SERPINI2: variants seen among roughly 807,000 people sequenced by gnomAD.
SERPINI2 encodes serpin family I member 2.
Under a neutral mutation model 47.3 loss-of-function variants are expected in SERPINI2, and 48 were observed. The observed-to-expected ratio is 1.02, with a 90% CI of 0.81 to 1.29. SERPINI2 has a LOEUF of 1.29. SERPINI2 is among the 50% of genes most tolerant of loss of function. The probability of loss-of-function intolerance (pLI) is 0.00; values close to 1 mark genes in which losing one functional copy is unlikely to be tolerated. For missense variants in SERPINI2, 448 were observed against 456.9 expected (o/e 0.98, Z 0.18); for synonymous variants, 135 against 149.3 (o/e 0.90, Z 0.70).
intron 3 of SERPINI2, among the ~76,000 whole-genome samples, chr3:167,466,511 A>G (rs1365869304): frequency 1.3e-5 from 2 of 152,222 alleles, no homozygotes; most frequent in East Asian, 3.8e-4. Context: ...ACTTTCTAAG[A>G]TTTCAACTCA....
rs1577164563 is a variant in SERPINI2 at position 167,442,199 on chromosome 3, A to C, written c.1142-14T>G. The C allele has an allele frequency of 1.3e-6, 2 of 1,561,342 alleles. No individual in the cohort carries two copies. Among genetic ancestry groups the C allele is most frequent in the Non-Finnish European group, 1.7e-6 (2 of 1,158,098 alleles). On this transcript the variant is annotated splice_polypyrimidine_tract_variant and intron_variant, in intron 8 of 8. Transcript: ENST00000264677. ...ACAGAATTGATTCTAGGGAAAAAAA[A>C]ACAAAAAAATATACTTTAGGAATTT... is the stretch of plus-strand genomic sequence containing the variant.
chr3:167,476,320 A>G (rs1750478471), upstream of SERPINI2, among the ~76,000 whole-genome samples: 1 of 151,952 alleles, frequency 6.6e-6, no homozygotes, highest in Non-Finnish European at 1.5e-5. Flanking sequence ...AGACACAGAA[A>G]AAAAGACATT....
intron 5 of SERPINI2, among the ~76,000 whole-genome samples, chr3:167,454,751 T>C: frequency 6.6e-6 from 1 of 152,214 alleles, no homozygotes; most frequent in Non-Finnish European, 1.5e-5. Flanking sequence ...ATCTAATGAA[T>C]GTATAATCTA....
intron 5 of SERPINI2, among the ~76,000 whole-genome samples, chr3:167,458,833 C>T (rs577042494): frequency 6.6e-6 from 1 of 152,276 alleles, no homozygotes; most frequent in East Asian, 1.9e-4. Flanking sequence ...GTTTTCTTAT[C>T]TGTGAAATGG....
chr3:167,474,085 C>T (rs1402191651), exon 1 of SERPINI2: 25 of 1,016,886 alleles, frequency 2.5e-5, no homozygotes, highest in Middle Eastern at 4.7e-4. Flanking sequence ...AACACCTGAG[C>T]GATCAAGGCC....
chr3:167,465,806 G>T, intron 3 of SERPINI2, 133 bp from the exon 4 acceptor site: 2 of 663,900 alleles, frequency 3.0e-6, no homozygotes, highest in Non-Finnish European at 4.9e-6. Flanking sequence ...ATCTAAATAT[G>T]GTAATTTTGA....
At chr3:167,452,888 TA>T in intron 6 of SERPINI2, 47 bp downstream of exon 6, 1 of 1,247,078 alleles carries the variant, frequency 8.0e-7, no homozygotes, top group Non-Finnish European at 1.1e-6. Context: ...AATGTAGTCC[TA>T]ACAAAACAAA....
exon 6 of SERPINI2, chr3:167,453,013 A>G (rs1242766009): frequency 6.3e-7 from 1 of 1,594,068 alleles, no homozygotes; most frequent in Non-Finnish European, 8.6e-7. Context: ...TTTGAAGTCT[A>G]CTTTTTGTTC....
chr3:167,471,261 G>A (rs1750308818), intron 2 of SERPINI2, among the ~76,000 whole-genome samples: 1 of 151,892 alleles, frequency 6.6e-6, no homozygotes, highest in Non-Finnish European at 1.5e-5. Flanking sequence ...TATATTTTAT[G>A]AGTATGTACA....
At chr3:167,445,527 G>T (rs1053362538) in intron 8 of SERPINI2, among the ~76,000 whole-genome samples, 3 of 152,164 alleles carry the variant, frequency 2.0e-5, no homozygotes, top group Non-Finnish European at 2.9e-5. Context: ...AGTGAATTCA[G>T]CTGGAAATTG....
chr3:167,476,137 C>T (rs977021267), upstream of SERPINI2, among the ~76,000 whole-genome samples: 1 of 151,494 alleles, frequency 6.6e-6, no homozygotes, highest in South Asian at 2.1e-4. Flanking sequence ...ATGACATATC[C>T]TATTTTAATG....
chr3:167,458,260 T>G (rs2108161833), intron 5 of SERPINI2, among the ~76,000 whole-genome samples: 1 of 142,082 alleles, frequency 7.0e-6, no homozygotes, highest in East Asian at 2.0e-4. Flanking sequence ...TTTTTTTTTT[T>G]TTTTTTTTGA....
chr3:167,474,508 A>G (rs527804004), upstream of SERPINI2, among the ~76,000 whole-genome samples: 38 of 151,854 alleles, frequency 2.5e-4, no homozygotes, highest in African/African-American at 9.1e-4. Context: ...ACATTCATCA[A>G]ATTATACAAT....
chr3:167,460,047 A>G (rs1749943341), intron 5 of SERPINI2, among the ~76,000 whole-genome samples: 2 of 152,222 alleles, frequency 1.3e-5, no homozygotes, highest in South Asian at 4.1e-4. Flanking sequence ...TCTCAGTGAG[A>G]GCATGTTGTG....
chr3:167,467,233 T>G, exon 3 of SERPINI2: 1 of 1,612,974 alleles, frequency 6.2e-7, no homozygotes. Flanking sequence ...TAAATTCTTG[T>G]TTTTTCTCTG....
upstream of SERPINI2, among the ~76,000 whole-genome samples, chr3:167,475,730 G>GT (rs1560238908): frequency 6.7e-6 from 1 of 149,072 alleles, no homozygotes; most frequent in East Asian, 2.1e-4. Flanking sequence ...AATCGGGGTG[G>GT]GGGGAGAATT....
intron 5 of SERPINI2, among the ~76,000 whole-genome samples, chr3:167,454,694 C>T (rs898191002): frequency 6.6e-6 from 1 of 152,090 alleles, no homozygotes; most frequent in African/African-American, 2.4e-5. Flanking sequence ...CAGTCCTGCT[C>T]ATAATATAGT....
At chr3:167,475,520 T>G (rs2108178553), upstream of SERPINI2, among the ~76,000 whole-genome samples, 1 of 151,906 alleles carries the variant, frequency 6.6e-6, no homozygotes, top group East Asian at 1.9e-4. Flanking sequence ...GTAAGGACCT[T>G]ATATTAGAGC....
At chr3:167,450,979 C>A (rs1223351760) in intron 6 of SERPINI2, among the ~76,000 whole-genome samples, 2 of 152,140 alleles carry the variant, frequency 1.3e-5, no homozygotes. Context: ...ATTCATTATA[C>A]CTTCATAGTC....
Sources: gnomAD v4.1 joint callset for allele counts (sites outside exome capture counted in the v4.1 genomes callset) on GRCh38, gnomAD v4.1.1 for gene constraint, MANE v1.5 for transcripts, NCBI Gene and HGNC (gene_info 2026-07-23, HGNC 2026-07-21) for gene names.